The following SBNO2 variants were observed in gnomAD, a reference collection of about 807,000 sequenced individuals.
SBNO2 encodes the protein protein strawberry notch homolog 2.
A neutral mutation model predicts 146.3 loss-of-function variants in SBNO2; 89 were observed. The ratio of observed to expected loss-of-function variants is 0.61; its 90% CI spans 0.51 to 0.73. SBNO2 has a LOEUF of 0.73. Ranked by LOEUF, SBNO2 falls within the 30% of genes least tolerant of loss-of-function variation. SBNO2 has a pLI of 0.00. For missense variants in SBNO2, 2,092 were observed against 2,003.7 expected (o/e 1.04, Z -0.84); for synonymous variants, 1,147 against 892.6 (o/e 1.29, Z -5.08).
At chr19:1,146,480 G>T (rs1462571218) in intron 4 of SBNO2, among the ~76,000 whole-genome samples, 1 of 152,122 alleles carries the variant, frequency 6.6e-6, no homozygotes, top group African/African-American at 2.4e-5. Context: ...GGCCCAGGCA[G>T]ATCTCACATG....
rs76868812 is a variant in SBNO2, at chr19:1,113,721, G to A, written c.2078-17C>T. 2.7e-3 allele frequency: 4,102 copies of A among 1,505,076 alleles called. 89 individuals carry two copies. In the African/African-American group the frequency reaches 0.049, roughly 18 times the overall value. The allele number at this position is 1,505,076 out of a possible 1,614,324, so 93.2% of individuals were successfully genotyped here. On this transcript the variant is annotated splice_polypyrimidine_tract_variant and intron_variant, in intron 18 of 31. Coordinates refer to ENST00000361757, the MANE Select transcript of SBNO2 (RefSeq NM_014963.3). ...ACAGGGGTCCTAGGGAGGAGGTGGA[G>A]GGTCAGGGCAGGACATGTTGGCTGC...
In SBNO2 at chr19:1,114,024, G is replaced by A. The variant is rs144601005; in HGVS notation, c.2077+207C>T. On this transcript the variant is annotated intron_variant, in intron 18 of 31. Transcript: ENST00000361757. ...GTATAACCCCTGACCTCCCCTCTCT[G>A]GGCCTCAGTTTCCCCCATCTGTAAA... Among the ~76,000 whole-genome samples the A allele has an allele frequency of 1.9e-3, 289 of 152,288 alleles. 1 individual carries two copies. The highest frequency in any genetic ancestry group is 6.6e-3 in the African/African-American group (275 of 41,572).
intron 2 of SBNO2, among the ~76,000 whole-genome samples, chr19:1,153,177 T>C (rs2080258058): frequency 6.6e-6 from 1 of 151,014 alleles, no homozygotes; most frequent in Non-Finnish European, 1.5e-5. Flanking sequence ...CAAAATAAAA[T>C]AAAATGAAAT....
Position 1,110,563 on chromosome 19 carries a change from TGGGATGCCCGGCGTTCCCAC to T in SBNO2, c.3028+162_3028+181del. Reference sequence around the variant, plus strand: ...TGTTCCCACGAGCCCCGAGCCCACCTGGGATGCCCGGCGTTCCCACGAGCCCCTCGCCCACCCGGGATGCA... The same window carrying T: ...TGTTCCCACGAGCCCCGAGCCCACCTGAGCCCCTCGCCCACCCGGGATGCA... On this transcript the variant is annotated intron_variant, in intron 26 of 31. Transcript: ENST00000361757. This position sits in a 1 kb window ranked among gnomAD's most constrained non-coding sequence, Gnocchi z 4.9. The T allele has an allele frequency of 4.0e-6, 2 of 504,404 alleles. No homozygotes were observed. Among genetic ancestry groups the T allele is most frequent in the Non-Finnish European group, 6.2e-6 (2 of 324,336 alleles). 31.2% of individuals were successfully genotyped at this position (504,404 alleles called of 1,614,324 possible).
intron 1 of SBNO2, among the ~76,000 whole-genome samples, chr19:1,165,704 G>A (rs1219948327): frequency 1.5e-5 from 2 of 137,144 alleles, no homozygotes; most frequent in African/African-American, 5.7e-5. Flanking sequence ...TCAGACCCCA[G>A]ACCCCAGATC....
intron 1 of SBNO2, among the ~76,000 whole-genome samples, chr19:1,172,435 T>C (rs974697335): frequency 2.6e-5 from 4 of 152,040 alleles, no homozygotes; most frequent in Admixed American, 1.3e-4. Context: ...GCCAGATCCC[T>C]GAAGGCCAGA....
At chr19:1,124,172 G>C in intron 5 of SBNO2, 150 bp from the exon 6 acceptor site, 1 of 742,766 alleles carries the variant, frequency 1.3e-6, no homozygotes, top group Non-Finnish European at 2.3e-6. Flanking sequence ...TTGCTCTCCT[G>C]CTGTTCTCAG....
chr19:1,168,214 A>G (rs1332746778), intron 1 of SBNO2, among the ~76,000 whole-genome samples: 1 of 151,924 alleles, frequency 6.6e-6, no homozygotes, highest in East Asian at 1.9e-4. Flanking sequence ...GGGTGCCCAG[A>G]CCTCAGGGCC....
At chr19:1,131,476 GCTC>G (rs2080027641) in intron 4 of SBNO2, among the ~76,000 whole-genome samples, 1 of 152,182 alleles carries the variant, frequency 6.6e-6, no homozygotes, top group African/African-American at 2.4e-5. Context: ...AGCAGACACA[GCTC>G]CTCCTGCCCT....
At chr19:1,156,977 C>CGCCACTCCTGAG (rs1474988784) in intron 1 of SBNO2, among the ~76,000 whole-genome samples, 9 of 151,524 alleles carry the variant, frequency 5.9e-5, no homozygotes, top group South Asian at 2.1e-4. Context: ...CCTCAGGACC[C>CGCCACTCCTGAG]ACAGCCCTGC....
At chr19:1,141,162 G>A (rs1401475430) in intron 4 of SBNO2, among the ~76,000 whole-genome samples, 6 of 151,970 alleles carry the variant, frequency 3.9e-5, no homozygotes, top group Non-Finnish European at 7.4e-5. Flanking sequence ...GGGGGCAAGC[G>A]CAGAGGCTGC....
At chr19:1,123,298 A>C (rs1468513817) in intron 7 of SBNO2, among the ~76,000 whole-genome samples, 2 of 151,914 alleles carry the variant, frequency 1.3e-5, no homozygotes, top group African/African-American at 2.4e-5. Flanking sequence ...GGCTTGCAGG[A>C]GGGGCAAATG....
rs1024192896 is a variant in SBNO2, at chr19:1,109,234, G to A, written c.3349-23C>T. ...GACCTAGGGACACAGGGCCGCATGA[G>A]CCTGGGCGGGGTCAGGGCCGGCAAC... On this transcript the variant is annotated intron_variant, in intron 29 of 31. Transcript: ENST00000361757. The surrounding 1 kb of genome is among the most constrained non-coding windows in gnomAD (Gnocchi z 4.2). 13 of 1,571,202 alleles carry A rather than the reference G, an allele frequency of 8.3e-6. No homozygotes were observed. The highest frequency in any genetic ancestry group is 5.6e-5 in the Admixed American group (3 of 53,370).
chr19:1,129,647 C>T (rs977034991), intron 4 of SBNO2, among the ~76,000 whole-genome samples: 4 of 152,202 alleles, frequency 2.6e-5, no homozygotes, highest in African/African-American at 4.8e-5. Context: ...GGCCTGGTCA[C>T]GCTGACCTGT....
At chr19:1,163,229 T>A (rs1599881296) in intron 1 of SBNO2, among the ~76,000 whole-genome samples, 1 of 152,178 alleles carries the variant, frequency 6.6e-6, no homozygotes, top group East Asian at 1.9e-4. Context: ...TGTGTCCCTG[T>A]TAACAACTCA....
chr19:1,128,429 G>GCAC (rs1485869271), intron 4 of SBNO2: 1 of 288,412 alleles, frequency 3.5e-6, no homozygotes, highest in African/African-American at 2.4e-5. Context: ...TTCTTACACT[G>GCAC]TCGCCCGGGC....
chr19:1,113,217 C>T (rs1351703949), intron 19 of SBNO2, among the ~76,000 whole-genome samples: 1 of 152,136 alleles, frequency 6.6e-6, no homozygotes, highest in African/African-American at 2.4e-5. Context: ...CAGAACCAGG[C>T]CCAGGGGCTT....
In SBNO2 at chr19:1,150,553, C is replaced by T. The variant is rs1375673610; in HGVS notation, c.94-1111G>A. On this transcript the variant is annotated intron_variant, in intron 2 of 31. Transcript: ENST00000361757. The surrounding 1 kb of genome is among the most constrained non-coding windows in gnomAD (Gnocchi z 6.2). Reference sequence around the variant, plus strand: ...GGTCACGGGGGAGACCCTGCCGTCACGGACGCCCCCGTGGTCATGGGGGAG... The same window carrying T: ...GGTCACGGGGGAGACCCTGCCGTCATGGACGCCCCCGTGGTCATGGGGGAG... 6.6e-6 allele frequency among the ~76,000 whole-genome samples: 1 copy of T among 151,984 alleles called. No homozygotes were observed. Among genetic ancestry groups the T allele is most frequent in the Non-Finnish European group, 1.5e-5 (1 of 67,964 alleles).
At chr19:1,151,530 G>C (rs1045097558) in intron 2 of SBNO2, among the ~76,000 whole-genome samples, 3 of 152,220 alleles carry the variant, frequency 2.0e-5, no homozygotes, top group African/African-American at 7.2e-5. Flanking sequence ...AGGCCAATCA[G>C]AGTCTTCCCT....
Sources: gnomAD v4.1 joint callset for allele counts (sites outside exome capture counted in the v4.1 genomes callset) on GRCh38, gnomAD v4.1.1 for gene constraint, Gnocchi (gnomAD v3.1) non-coding constraint, MANE v1.5 for transcripts, NCBI Gene and HGNC (gene_info 2026-07-23, HGNC 2026-07-21) for gene names.